Variants in PRLR observed in about 807,000 individuals in gnomAD.
PRLR encodes hPRL receptor.
Under a neutral mutation model 40.2 loss-of-function variants are expected in PRLR, and 13 were observed. The ratio of observed to expected loss-of-function variants is 0.32; its 90% CI spans 0.21 to 0.51. The LOEUF (loss-of-function observed/expected upper bound fraction) is 0.51. PRLR is among the 20% of genes least tolerant of loss of function. PRLR has a pLI of 0.97. For synonymous variants in PRLR, 269 were observed against 278.7 expected (o/e 0.97, Z 0.35); for missense variants, 656 against 747.3 (o/e 0.88, Z 1.42).
chr5:35,191,629 GTTC>G (rs1313412104), intron 1 of PRLR, among the ~76,000 whole-genome samples: 3 of 152,302 alleles, frequency 2.0e-5, no homozygotes, highest in African/African-American at 7.2e-5. Context: ...ACCTTCCATA[GTTC>G]TTCTTAGCCT....
chr5:35,049,903 C>CTTTTTTTTTTT (rs57649490), intron 8 of PRLR, among the ~76,000 whole-genome samples: 1 of 123,548 alleles, frequency 8.1e-6, no homozygotes, highest in African/African-American at 3.1e-5. Context: ...AAACTACATT[C>CTTTTTTTTTTT]TTTTTTTTTT....
chr5:35,085,501 C>T (rs1191754778), intron 4 of PRLR, among the ~76,000 whole-genome samples: 1 of 152,190 alleles, frequency 6.6e-6, no homozygotes, highest in African/African-American at 2.4e-5. Context: ...GTTTAGCCCT[C>T]ATTTCAACCT....
intron 1 of PRLR, chr5:35,130,112 T>C (rs1773615309): frequency 6.6e-6 from 1 of 152,256 alleles, no homozygotes; most frequent in Admixed American, 6.5e-5. Flanking sequence ...CCAACCTGTT[T>C]GCTGATTACC....
At chr5:35,196,006 A>G (rs1056056169) in intron 1 of PRLR, among the ~76,000 whole-genome samples, 3 of 151,030 alleles carry the variant, frequency 2.0e-5, no homozygotes, top group African/African-American at 7.4e-5. Flanking sequence ...AAAGCAGTCC[A>G]TCAACTCTTA....
chr5:35,185,593 G>A (rs1775404716), intron 1 of PRLR, among the ~76,000 whole-genome samples: 1 of 152,142 alleles, frequency 6.6e-6, no homozygotes, highest in Non-Finnish European at 1.5e-5. Flanking sequence ...AAAAACACAG[G>A]AGCCTTACAG....
At chr5:35,139,994 A>G (rs1446318924) in intron 1 of PRLR, among the ~76,000 whole-genome samples, 1 of 152,244 alleles carries the variant, frequency 6.6e-6, no homozygotes, top group East Asian at 1.9e-4. Context: ...ATTAAACCAC[A>G]AACATTAAAA....
intron 1 of PRLR, among the ~76,000 whole-genome samples, chr5:35,196,476 G>A (rs1368106050): frequency 1.3e-5 from 2 of 152,214 alleles, no homozygotes; most frequent in Non-Finnish European, 2.9e-5. Flanking sequence ...GACTCTTAAA[G>A]GAATTCTCCA....
intron 5 of PRLR, among the ~76,000 whole-genome samples, chr5:35,083,930 A>C (rs1770686284): frequency 6.6e-6 from 1 of 152,098 alleles, no homozygotes; most frequent in Non-Finnish European, 1.5e-5. Context: ...TAGTAAAAAA[A>C]ATTACCAATG....
intron 9 of PRLR, among the ~76,000 whole-genome samples, chr5:35,067,543 T>C (rs1397945240): frequency 1.3e-5 from 2 of 152,238 alleles, no homozygotes; most frequent in Non-Finnish European, 2.9e-5. Flanking sequence ...CCAGAGCAGC[T>C]GGGTCAAGTA....
rs904442217 is a variant in PRLR, at chr5:35,064,557, T to C, written c.*532A>G. ...ATATCAGCAATGTGTCAGTAAGGTA[T>C]AGGAACTTATGTAAACAATTTGTTC... On this transcript the variant is annotated 3_prime_UTR_variant, in exon 10 of 10. Transcript: ENST00000618457. The C allele has an allele frequency of 2.0e-5, 3 of 153,582 alleles. No homozygotes were observed. Among genetic ancestry groups the C allele is most frequent in the African/African-American group, 7.2e-5 (3 of 41,476 alleles). The allele number at this position is 153,582 out of a possible 1,614,324, so 9.5% of individuals were successfully genotyped here. A position where few individuals can be genotyped will look rare whatever the true frequency, so the allele number is the denominator to read the frequency against.
At chr5:35,054,742 C>T (rs1255426506), downstream of PRLR, among the ~76,000 whole-genome samples, 2 of 151,834 alleles carry the variant, frequency 1.3e-5, no homozygotes, top group Admixed American at 6.6e-5. Flanking sequence ...AACCCAATGC[C>T]GAATGAAAGA....
chr5:35,108,449 T>C (rs576450373), intron 2 of PRLR, among the ~76,000 whole-genome samples: 4 of 152,320 alleles, frequency 2.6e-5, no homozygotes, highest in Admixed American at 2.6e-4. Flanking sequence ...TCTTTGCAGA[T>C]GACATGATTG....
At chr5:35,179,922 TA>T (rs1303746191) in intron 1 of PRLR, among the ~76,000 whole-genome samples, 1 of 152,236 alleles carries the variant, frequency 6.6e-6, no homozygotes, top group African/African-American at 2.4e-5. Flanking sequence ...TTGTGCACTT[TA>T]TTTCTATTAT....
rs1294519578 is a variant in PRLR at position 35,060,840 on chromosome 5, C to T, written c.*4249G>A. On this transcript the variant is annotated 3_prime_UTR_variant, in exon 10 of 10. Transcript: ENST00000618457. ...AGTTCCAATGTGCATGCATTGTTCT[C>T]TTCAGGTTTAGGCATGTAAGCCAAT... is the stretch of plus-strand genomic sequence containing the variant. The T allele has an allele frequency of 4.6e-5, 7 of 152,162 alleles. No individual in the cohort carries two copies. The highest frequency in any genetic ancestry group is 1.5e-5 in the Non-Finnish European group (1 of 68,020). The allele number at this position is 152,162 out of a possible 1,614,324, so 9.4% of individuals were successfully genotyped here. A position where few individuals can be genotyped will look rare whatever the true frequency, so the allele number is the denominator to read the frequency against.
At chr5:35,074,486 A>T (rs249539) in intron 5 of PRLR, among the ~76,000 whole-genome samples, 32,895 of 142,768 alleles carry the variant, frequency 0.23, 5,209 homozygotes, top group African/African-American at 0.49. Flanking sequence ...TGGAACAGCT[A>T]CATATTTTTT....
chr5:35,198,562 T>A (rs1236135128), intron 1 of PRLR, among the ~76,000 whole-genome samples: 1 of 152,240 alleles, frequency 6.6e-6, no homozygotes, highest in African/African-American at 2.4e-5. Context: ...GACCTTAGTT[T>A]CTTCGCTCTG....
At chr5:35,103,833 AAAATAT>A (rs1231465705) in intron 2 of PRLR, among the ~76,000 whole-genome samples, 3 of 152,236 alleles carry the variant, frequency 2.0e-5, no homozygotes, top group African/African-American at 7.2e-5. Flanking sequence ...TTTGCAAGTC[AAAATAT>A]AAATGGCTTG....
intron 1 of PRLR, among the ~76,000 whole-genome samples, chr5:35,210,057 A>C (rs945710422): frequency 6.6e-6 from 1 of 152,094 alleles, no homozygotes; most frequent in South Asian, 2.1e-4. Flanking sequence ...AGCTTGGCTC[A>C]TACACACTGG....
chr5:35,193,733 G>A (rs1222801884), intron 1 of PRLR, among the ~76,000 whole-genome samples: 1 of 152,122 alleles, frequency 6.6e-6, no homozygotes, highest in Non-Finnish European at 1.5e-5. Context: ...AACATCTGGA[G>A]GGCACAGCTG....
Sources: gnomAD v4.1 joint callset for allele counts (sites outside exome capture counted in the v4.1 genomes callset) on GRCh38, gnomAD v4.1.1 for gene constraint, MANE v1.5 for transcripts, NCBI Gene and HGNC (gene_info 2026-07-23, HGNC 2026-07-21) for gene names.